LIMCH1: variants seen among roughly 807,000 people sequenced by gnomAD.
LIMCH1 encodes LIM and calponin homology domains-containing protein 1.
LIMCH1 carries 113 observed loss-of-function variants against 176.5 expected under a neutral mutation model. That is an observed-to-expected ratio of 0.64 (90% CI 0.55 to 0.75). LIMCH1 has a LOEUF of 0.75. Among genes scored for constraint, LIMCH1 ranks in the 30% least tolerant of loss-of-function variants. LIMCH1 has a pLI of 0.00. For missense variants in LIMCH1, 1,674 were observed against 1,814.9 expected (o/e 0.92, Z 1.41); for synonymous variants, 619 against 645.9 (o/e 0.96, Z 0.63).
At chr4:41,500,004 T>G (rs565434459) in intron 2 of LIMCH1, among the ~76,000 whole-genome samples, 1 of 152,354 alleles carries the variant, frequency 6.6e-6, no homozygotes, top group Non-Finnish European at 1.5e-5. Flanking sequence ...TTTTTCTAAT[T>G]TCTTCCTCAT....
At chr4:41,582,685 T>C (rs1215116511) in intron 1 of LIMCH1, among the ~76,000 whole-genome samples, 1 of 152,212 alleles carries the variant, frequency 6.6e-6, no homozygotes, top group East Asian at 1.9e-4. Flanking sequence ...CCTCATAGGG[T>C]TGACATGAAG....
At chr4:41,630,205 A>G (rs1024075055) in intron 9 of LIMCH1, among the ~76,000 whole-genome samples, 4 of 152,120 alleles carry the variant, frequency 2.6e-5, no homozygotes, top group African/African-American at 7.2e-5. Context: ...GGCTCAAGTG[A>G]TCCTTCCATA....
At position 41,692,275 on chromosome 4, in the gene LIMCH1, C is replaced by T. The variant is rs1430236027; in HGVS notation, c.4276-7C>T. Reference sequence around the variant, plus strand: ...ATCTTATGATGTCTGTTCTTTTTACCCTATAGTGTGGAATTTGTAAAGGCC... The same window carrying T: ...ATCTTATGATGTCTGTTCTTTTTACTCTATAGTGTGGAATTTGTAAAGGCC... On this transcript the variant is annotated splice_region_variant and splice_polypyrimidine_tract_variant and intron_variant, in intron 30 of 31. Coordinates refer to ENST00000503057, the MANE Select transcript of LIMCH1 (RefSeq NM_001330672.2). 2 of 1,560,150 alleles carry T rather than the reference C, an allele frequency of 1.3e-6. No individual in the cohort carries two copies. The highest frequency in any genetic ancestry group is 1.8e-6 in the Non-Finnish European group (2 of 1,131,306).
intron 1 of LIMCH1, chr4:41,494,467 A>G (rs1428364230): frequency 9.6e-7 from 1 of 1,038,902 alleles, no homozygotes; most frequent in Non-Finnish European, 1.5e-6. Flanking sequence ...ACACACACAT[A>G]TATATATGAT....
intron 3 of LIMCH1, among the ~76,000 whole-genome samples, chr4:41,527,143 C>G (rs1303114371): frequency 2.0e-5 from 3 of 151,970 alleles, no homozygotes; most frequent in African/African-American, 7.3e-5. Flanking sequence ...TTTGTGAAAC[C>G]TTTAGTATTT....
chr4:41,541,106 T>C (rs1298758428), intron 1 of LIMCH1, among the ~76,000 whole-genome samples: 3 of 152,294 alleles, frequency 2.0e-5, no homozygotes, highest in African/African-American at 7.2e-5. Context: ...AATGTAGACG[T>C]GGGCATTGGA....
chr4:41,525,042 T>C (rs1206454853), intron 3 of LIMCH1, among the ~76,000 whole-genome samples: 2 of 152,226 alleles, frequency 1.3e-5, no homozygotes, highest in African/African-American at 4.8e-5. Context: ...ACATAAAATC[T>C]AAAACTTACA....
In LIMCH1 at chr4:41,620,624, T is replaced by C; in HGVS notation, c.659T>C (p.Ile220Thr). 6.5e-7 allele frequency: 1 copy of C among 1,536,108 alleles called. No individual in the cohort carries two copies. Among genetic ancestry groups the C allele is most frequent in the East Asian group, 2.4e-5 (1 of 40,900 alleles). The change falls in exon 7 of 32, where the codon ATC becomes ACC. Residue 220 changes from isoleucine (I) to threonine (T), a missense_variant. Coordinates refer to ENST00000503057, the MANE Select transcript of LIMCH1 (RefSeq NM_001330672.2). Reference sequence around the variant, plus strand: ...TCTGAAGAAAAAGATGCTGCTGAGATCCAAAAGCGCAAAAGGCTAGAGCAA... The same window carrying C: ...TCTGAAGAAAAAGATGCTGCTGAGACCCAAAAGCGCAAAAGGCTAGAGCAA... ...PKSEEKDAAE[I>T]QKRKRLEQAG...
At chr4:41,656,368 T>A (rs1272035931) in intron 18 of LIMCH1, among the ~76,000 whole-genome samples, 1 of 152,140 alleles carries the variant, frequency 6.6e-6, no homozygotes, top group African/African-American at 2.4e-5. Flanking sequence ...CATCTAGAAG[T>A]AGTTGTAAGA....
rs1028529793 is a variant in LIMCH1 at position 41,632,778 on chromosome 4, G to A, written c.1631G>A (p.Cys544Tyr). Residue 544 changes from cysteine (C) to tyrosine (Y), a missense_variant, in exon 11 of 32, where the codon TGC (cysteine) becomes TAC (tyrosine). Coordinates refer to ENST00000503057, the MANE Select transcript of LIMCH1 (RefSeq NM_001330672.2). Reference protein sequence around the residue: ...RTMNCGRGDYCRRASWLAPVP... With the variant: ...RTMNCGRGDYYRRASWLAPVP... ...ATGAATTGTGGCCGAGGTGACTATTGCAGAAGGGCCTCGTGGCTGGCTCCT... is the reference window on the plus strand; with the variant it reads ...ATGAATTGTGGCCGAGGTGACTATTACAGAAGGGCCTCGTGGCTGGCTCCT... 1.3e-6 allele frequency: 2 copies of A among 1,536,164 alleles called. No homozygotes were observed. The highest frequency in any genetic ancestry group is 2.7e-5 in the African/African-American group (2 of 73,058).
In LIMCH1 at chr4:41,513,944, T is replaced by G. The variant is rs533364363; in HGVS notation, c.168-10465T>G. Among the ~76,000 whole-genome samples, 18 of 131,472 alleles carry G rather than the reference T, an allele frequency of 1.4e-4. No individual in the cohort carries two copies. In the South Asian group the frequency reaches 2.3e-3, roughly 17 times the overall value. 86.3% of individuals were successfully genotyped at this position (131,472 alleles called of 152,430 possible). On this transcript the variant is annotated intron_variant, in intron 2 of 26. Transcript: ENST00000313860. ...TCGCTTGTACTTGGGAGGTGGAGGTTCCGGTGAGCGGAGATCGTGCCACTG... is the reference window on the plus strand; with the variant it reads ...TCGCTTGTACTTGGGAGGTGGAGGTGCCGGTGAGCGGAGATCGTGCCACTG...
rs1732198160 is a variant in LIMCH1, at chr4:41,699,294, C to T, written c.*2109C>T. On this transcript the variant is annotated 3_prime_UTR_variant, in exon 32 of 32. Transcript: ENST00000503057. ...TTTATACATATTTCTTAGTGAGGCT[C>T]ATTGTACATGTATTGAAGCTAGAAT... 6.6e-6 allele frequency: 1 copy of T among 152,122 alleles called. No homozygotes were observed. Among genetic ancestry groups the T allele is most frequent in the African/African-American group, 2.4e-5 (1 of 41,428 alleles). 9.4% of individuals were successfully genotyped at this position (152,122 alleles called of 1,614,324 possible). A position where few individuals can be genotyped will look rare whatever the true frequency, so the allele number is the denominator to read the frequency against.
intron 2 of LIMCH1, among the ~76,000 whole-genome samples, chr4:41,512,123 C>CAA (rs1395058001): frequency 6.6e-6 from 1 of 151,992 alleles, no homozygotes; most frequent in East Asian, 1.9e-4. Context: ...AAAGAAGCTA[C>CAA]AAAAATGACT....
At position 41,684,390 on chromosome 4, in the gene LIMCH1, T is replaced by C; in HGVS notation, c.3846-7T>C. 1 of 1,613,080 alleles carries C rather than the reference T, an allele frequency of 6.2e-7. No individual in the cohort carries two copies. On this transcript the variant is annotated splice_polypyrimidine_tract_variant and splice_region_variant and intron_variant, in intron 26 of 31. Coordinates refer to ENST00000503057, the MANE Select transcript of LIMCH1 (RefSeq NM_001330672.2). ...CTGCTCTGAAGTATACCTCTTTATT[T>C]TAACAGCCTAACTGAAGGGGCCTTG...
intron 1 of LIMCH1, among the ~76,000 whole-genome samples, chr4:41,595,786 G>A (rs1269268629): frequency 6.6e-6 from 1 of 152,100 alleles, no homozygotes; most frequent in Non-Finnish European, 1.5e-5. Context: ...AACTGGACAT[G>A]GTGGCTCATG....
chr4:41,597,286 G>C (rs2089045797), intron 1 of LIMCH1, among the ~76,000 whole-genome samples: 1 of 152,088 alleles, frequency 6.6e-6, no homozygotes, highest in African/African-American at 2.4e-5. Flanking sequence ...CTGTGCCTTA[G>C]ATCACTCATC....
chr4:41,448,432 G>A (rs1459458962), intron 1 of LIMCH1, among the ~76,000 whole-genome samples: 2 of 152,168 alleles, frequency 1.3e-5, no homozygotes, highest in Admixed American at 6.5e-5. Flanking sequence ...GCCTGAGCTT[G>A]TCTGTTTCCT....
chr4:41,430,715 A>T (rs1031403450), intron 1 of LIMCH1, among the ~76,000 whole-genome samples: 2 of 152,264 alleles, frequency 1.3e-5, no homozygotes, highest in African/African-American at 4.8e-5. Context: ...TTAATTTTAC[A>T]TAATGTTTGG....
chr4:41,621,966 T>G (rs1419976232), intron 7 of LIMCH1, among the ~76,000 whole-genome samples: 1 of 151,802 alleles, frequency 6.6e-6, no homozygotes, highest in Non-Finnish European at 1.5e-5. Flanking sequence ...AATTCTAGAG[T>G]ACCTTTGTAT....
Sources: gnomAD v4.1 joint callset for allele counts (sites outside exome capture counted in the v4.1 genomes callset) on GRCh38, gnomAD v4.1.1 for gene constraint, MANE v1.5 for transcripts, NCBI Gene and HGNC (gene_info 2026-07-23, HGNC 2026-07-21) for gene names.